The following CNTN1 variants were observed in gnomAD, a reference collection of about 807,000 sequenced individuals.
CNTN1 encodes contactin 1.
CNTN1 carries 38 observed loss-of-function variants against 126.4 expected under a neutral mutation model. The ratio of observed to expected loss-of-function variants is 0.30; its 90% CI spans 0.23 to 0.39. CNTN1 has a LOEUF of 0.39. Among genes scored for constraint, CNTN1 ranks in the 10% least tolerant of loss-of-function variants. CNTN1 has a pLI of 1.00. For synonymous variants in CNTN1, 413 were observed against 422.6 expected, an observed-to-expected ratio of 0.98 and a Z score of 0.28; for missense variants, 1,009 against 1,248.4, an observed-to-expected ratio of 0.81 and a Z score of 2.89.
chr12:40,850,882 T>C (rs1942692198), intron 1 of CNTN1, among the ~76,000 whole-genome samples: 1 of 152,200 alleles, frequency 6.6e-6, no homozygotes, highest in Admixed American at 6.5e-5. Context: ...CATTTTGAAA[T>C]TTAAAATACC....
chr12:40,850,374 A>G (rs1942673472), intron 1 of CNTN1, among the ~76,000 whole-genome samples: 1 of 152,114 alleles, frequency 6.6e-6, no homozygotes, highest in South Asian at 2.1e-4. Flanking sequence ...TTGATTCATT[A>G]CTTTTCAGCC....
intron 19 of CNTN1, among the ~76,000 whole-genome samples, chr12:41,018,832 T>C (rs897747761): frequency 1.7e-4 from 26 of 152,166 alleles, no homozygotes; most frequent in African/African-American, 6.3e-4. Context: ...GACAAACTTA[T>C]ATTCTCTATG....
intron 1 of CNTN1, among the ~76,000 whole-genome samples, chr12:40,771,953 G>C (rs889599732): frequency 6.6e-6 from 1 of 151,992 alleles, no homozygotes; most frequent in African/African-American, 2.4e-5. Context: ...AGTGGCAGAG[G>C]AGGATTAGAA....
chr12:40,891,854 T>C (rs1413478089), intron 1 of CNTN1, among the ~76,000 whole-genome samples: 1 of 152,110 alleles, frequency 6.6e-6, no homozygotes, highest in Non-Finnish European at 1.5e-5. Context: ...TTGCTCTTTT[T>C]CTTCAATATT....
chr12:40,731,166 A>C (rs1942489979), intron 1 of CNTN1, among the ~76,000 whole-genome samples: 1 of 152,076 alleles, frequency 6.6e-6, no homozygotes, highest in Admixed American at 6.6e-5. Context: ...TGACAAGGTC[A>C]TTAAAATAGA....
intron 1 of CNTN1, among the ~76,000 whole-genome samples, chr12:40,758,861 A>T (rs984053803): frequency 6.7e-6 from 1 of 150,172 alleles, no homozygotes; most frequent in African/African-American, 2.5e-5. Flanking sequence ...TACATTCCAG[A>T]CAATAGAGAG....
chr12:40,816,577 T>A (rs969384466), intron 1 of CNTN1, among the ~76,000 whole-genome samples: 1 of 152,022 alleles, frequency 6.6e-6, no homozygotes. Flanking sequence ...ATTTATTTAT[T>A]TTTTTCAAAA....
In CNTN1 at chr12:41,041,555, T is replaced by C. The variant is rs561865628; in HGVS notation, c.2980+12336T>C. Among the ~76,000 whole-genome samples, 108 of 152,266 alleles carry C rather than the reference T, an allele frequency of 7.1e-4. 1 individual carries two copies. Among genetic ancestry groups the C allele is most frequent in the African/African-American group, 2.4e-3 (101 of 41,550 alleles). ...GAATCCATCTGGTCCTGGACTCTTT[T>C]TGGTTGGTAAACTATTGATTATTGC... is the stretch of plus-strand genomic sequence containing the variant. On this transcript the variant is annotated intron_variant, in intron 23 of 23. Coordinates refer to ENST00000551295, the MANE Select transcript of CNTN1 (RefSeq NM_001843.4).
At chr12:40,888,856 A>G (rs1944145986) in intron 1 of CNTN1, among the ~76,000 whole-genome samples, 1 of 152,182 alleles carries the variant, frequency 6.6e-6, no homozygotes, top group African/African-American at 2.4e-5. Context: ...AAAGGAAGAG[A>G]TCCTTTCCCC....
At chr12:40,848,101 C>T (rs1942584037) in intron 1 of CNTN1, among the ~76,000 whole-genome samples, 1 of 152,148 alleles carries the variant, frequency 6.6e-6, no homozygotes, top group African/African-American at 2.4e-5. Flanking sequence ...CACTCGGCAG[C>T]CTGGGGTTTC....
At chr12:40,825,517 G>T (rs1331830660) in intron 1 of CNTN1, among the ~76,000 whole-genome samples, 1 of 152,082 alleles carries the variant, frequency 6.6e-6, no homozygotes, top group Non-Finnish European at 1.5e-5. Flanking sequence ...AAAGCCTCTT[G>T]ATCTGCAAAG....
chr12:40,791,849 G>T (rs1221922200), intron 1 of CNTN1, among the ~76,000 whole-genome samples: 1 of 152,094 alleles, frequency 6.6e-6, no homozygotes, highest in Non-Finnish European at 1.5e-5. Flanking sequence ...ATGATTGGGA[G>T]AGATGTTTAT....
chr12:40,701,204 A>G (rs2121110127), intron 1 of CNTN1, among the ~76,000 whole-genome samples: 1 of 152,322 alleles, frequency 6.6e-6, no homozygotes, highest in South Asian at 2.1e-4. Context: ...CTAAATTTGC[A>G]TATGTTTTAT....
chr12:41,050,672 T>C (rs1050779482), intron 23 of CNTN1, among the ~76,000 whole-genome samples: 17 of 152,302 alleles, frequency 1.1e-4, no homozygotes, highest in African/African-American at 3.4e-4. Flanking sequence ...TCTTTTTGCA[T>C]AAATGAGAAT....
intron 1 of CNTN1, among the ~76,000 whole-genome samples, chr12:40,718,435 T>A (rs779699993): frequency 2.6e-5 from 4 of 152,156 alleles, no homozygotes; most frequent in Non-Finnish European, 5.9e-5. Context: ...CGCCTGGGCC[T>A]CCCAAAGTGC....
chr12:41,011,166 C>G (rs1948642876), intron 17 of CNTN1, among the ~76,000 whole-genome samples: 1 of 152,156 alleles, frequency 6.6e-6, no homozygotes, highest in Non-Finnish European at 1.5e-5. Flanking sequence ...GCCTAAGATT[C>G]TGTAATGAGA....
chr12:40,951,714 T>TAAAAAA lies in CNTN1; in HGVS notation c.1684-7400_1684-7399insAAAAAA, dbSNP rs1294780787. On this transcript the variant is annotated intron_variant, in intron 14 of 23. Transcript: ENST00000551295. ...AAAGAGTGAGACTTTGTCTCAAAAT[T>TAAAAAA]TAAAAAAAAAAAAAAAAAAAAAAAA... Among the ~76,000 whole-genome samples the TAAAAAA allele has an allele frequency of 5.9e-3, 470 of 79,530 alleles. 30 individuals are homozygous for TAAAAAA. The highest frequency in any genetic ancestry group is 0.01 in the Middle Eastern group (1 of 100). 52.2% of individuals were successfully genotyped at this position (79,530 alleles called of 152,430 possible). A position where few individuals can be genotyped will look rare whatever the true frequency, so the allele number is the denominator to read the frequency against.
At chr12:41,069,206 C>G (rs1231841822) in intron 23 of CNTN1, among the ~76,000 whole-genome samples, 1 of 152,062 alleles carries the variant, frequency 6.6e-6, no homozygotes, top group African/African-American at 2.4e-5. Flanking sequence ...TATTATAATA[C>G]ATCATTTCAA....
At chr12:41,014,667 C>T (rs1287695007) in intron 18 of CNTN1, among the ~76,000 whole-genome samples, 2 of 152,150 alleles carry the variant, frequency 1.3e-5, no homozygotes, top group African/African-American at 4.8e-5. Context: ...TATCAAAACC[C>T]ATTTTTAAAT....
Sources: gnomAD v4.1 joint callset for allele counts (sites outside exome capture counted in the v4.1 genomes callset) on GRCh38, gnomAD v4.1.1 for gene constraint, MANE v1.5 for transcripts, NCBI Gene and HGNC (gene_info 2026-07-23, HGNC 2026-07-21) for gene names.